The following ARHGAP8 variants were observed in gnomAD, a reference collection of about 807,000 sequenced individuals.
ARHGAP8 encodes Rho GTPase activating protein 8, also known as rho GTPase-activating protein 8.
A neutral mutation model predicts 46.1 loss-of-function variants in ARHGAP8; 62 were observed. The observed-to-expected ratio is 1.34, with a 90% CI of 1.10 to 1.66. The LOEUF is 1.66. Among genes scored for constraint, ARHGAP8 ranks in the 40% most tolerant of loss-of-function variants. ARHGAP8 has a pLI of 0.00. For synonymous variants in ARHGAP8, 375 were observed against 243.1 expected (o/e 1.54, Z -5.05); for missense variants, 923 against 568.4 (o/e 1.62, Z -6.34).
intron 1 of ARHGAP8, among the ~76,000 whole-genome samples, chr22:44,781,798 T>C (rs1050786717): frequency 6.6e-6 from 1 of 152,152 alleles, no homozygotes; most frequent in Non-Finnish European, 1.5e-5. Flanking sequence ...GTGCTGGGAT[T>C]GCAGGCGTGA....
chr22:44,851,176 T>C (rs1379597571), intron 10 of ARHGAP8, among the ~76,000 whole-genome samples: 1 of 152,052 alleles, frequency 6.6e-6, no homozygotes, highest in Non-Finnish European at 1.5e-5. Flanking sequence ...ATACCAGACA[T>C]TTGTCCACTT....
At chr22:44,824,381 C>T (rs976281318) in intron 6 of ARHGAP8, among the ~76,000 whole-genome samples, 3 of 152,190 alleles carry the variant, frequency 2.0e-5, no homozygotes, top group African/African-American at 4.8e-5. Flanking sequence ...TGGCCAGGCT[C>T]AGTCCAGTGC....
chr22:44,778,731 A>G (rs1926602652), intron 1 of ARHGAP8, among the ~76,000 whole-genome samples: 1 of 152,080 alleles, frequency 6.6e-6, no homozygotes, highest in African/African-American at 2.4e-5. Flanking sequence ...TTCCTTCTGT[A>G]ACTTCTTCAG....
intron 5 of ARHGAP8, among the ~76,000 whole-genome samples, chr22:44,817,006 C>T (rs1423014978): frequency 1.3e-5 from 2 of 151,958 alleles, no homozygotes; most frequent in African/African-American, 2.4e-5. Flanking sequence ...CTGCCTCAGC[C>T]TCCCAAGTAG....
intron 1 of ARHGAP8, among the ~76,000 whole-genome samples, chr22:44,774,205 A>G (rs1347451503): frequency 6.6e-6 from 1 of 152,148 alleles, no homozygotes; most frequent in Admixed American, 6.5e-5. Flanking sequence ...CTGGTTTTCA[A>G]CAGTCACGGG....
intron 1 of ARHGAP8, among the ~76,000 whole-genome samples, chr22:44,753,586 C>T (rs959014447): frequency 6.9e-6 from 1 of 144,806 alleles, no homozygotes; most frequent in Non-Finnish European, 1.5e-5. Context: ...CAGGGAGGCC[C>T]TGCCTTTCAC....
chr22:44,823,740 C>T (rs1436050158), intron 6 of ARHGAP8, among the ~76,000 whole-genome samples: 5 of 152,088 alleles, frequency 3.3e-5, no homozygotes, highest in Non-Finnish European at 7.3e-5. Flanking sequence ...CTCACATCCT[C>T]CTGTGTGGGA....
At chr22:44,830,988 C>T (rs1930906360) in intron 7 of ARHGAP8, among the ~76,000 whole-genome samples, 1 of 152,086 alleles carries the variant, frequency 6.6e-6, no homozygotes. Context: ...AATGTATATT[C>T]ACTAGATCGT....
At chr22:44,789,742 C>A (rs549261837) in intron 2 of ARHGAP8, among the ~76,000 whole-genome samples, 1 of 152,088 alleles carries the variant, frequency 6.6e-6, no homozygotes, top group Non-Finnish European at 1.5e-5. Context: ...CTGAAGCAAT[C>A]GGCCTGTCTT....
chr22:44,805,269 C>T (rs1377757435), intron 3 of ARHGAP8, among the ~76,000 whole-genome samples: 1 of 152,204 alleles, frequency 6.6e-6, no homozygotes, highest in Non-Finnish European at 1.5e-5. Context: ...CCTGCAAAGA[C>T]AGAAAGCGAA....
intron 1 of ARHGAP8, among the ~76,000 whole-genome samples, chr22:44,764,560 G>C (rs556384503): frequency 6.6e-6 from 1 of 152,214 alleles, no homozygotes; most frequent in East Asian, 1.9e-4. Context: ...TGCTGGAGCC[G>C]AGAGACCTGG....
At chr22:44,774,781 C>T in intron 1 of ARHGAP8, among the ~76,000 whole-genome samples, 1 of 151,886 alleles carries the variant, frequency 6.6e-6, no homozygotes. Flanking sequence ...CTCAGCCTCC[C>T]AAAGTGTTGG....
At chr22:44,844,555 TG>T (rs2069908551) in intron 7 of ARHGAP8, among the ~76,000 whole-genome samples, 1 of 152,140 alleles carries the variant, frequency 6.6e-6, no homozygotes, top group South Asian at 2.1e-4. Flanking sequence ...CTCCACCTCA[TG>T]GGTTCAAGTG....
At chr22:44,779,994 A>AC (rs1926726953) in intron 1 of ARHGAP8, among the ~76,000 whole-genome samples, 1 of 151,312 alleles carries the variant, frequency 6.6e-6, no homozygotes, top group Non-Finnish European at 1.5e-5. Context: ...AGAGGGAGGG[A>AC]CCCCCAGGCT....
rs147677675 is a variant in ARHGAP8, at chr22:44,862,445, G to T, written c.1152G>T (p.Pro384=). The change falls in exon 12 of 12, where the codon CCG becomes CCT. Residue 384 remains proline, a synonymous_variant. Coordinates refer to ENST00000356099, the MANE Select transcript of ARHGAP8 (RefSeq NM_181335.3). ...ACTATGAAAAGATCTTCAGCACCCC[G>T]GAGGCACCTGGGGAGCACGGCCTGG... ...IEYYEKIFST[P]EAPGEHGLAP... The T allele has an allele frequency of 1.4e-5, 23 of 1,613,850 alleles. No homozygotes were observed. The highest frequency in any genetic ancestry group is 4.5e-5 in the East Asian group (2 of 44,878).
intron 11 of ARHGAP8, among the ~76,000 whole-genome samples, chr22:44,861,951 C>T (rs920765655): frequency 6.6e-6 from 1 of 152,290 alleles, no homozygotes; most frequent in South Asian, 2.1e-4. Context: ...CAAGTTCGTA[C>T]CGTCTGTGCT....
chr22:44,792,446 C>T (rs974535545), intron 2 of ARHGAP8, among the ~76,000 whole-genome samples: 4 of 152,170 alleles, frequency 2.6e-5, no homozygotes, highest in Admixed American at 6.5e-5. Flanking sequence ...TTCGTTCTCT[C>T]GTACCCTAAG....
At position 44,773,539 on chromosome 22, in the gene ARHGAP8, G is replaced by A. The variant is rs577871713; in HGVS notation, c.-71-12918G>A. ...GACAGATGTTTTATGACACCAGGAT[G>A]GTATGGGATTTGTAAAACTATGTGA... On this transcript the variant is annotated intron_variant, in intron 1 of 11. Coordinates refer to ENST00000356099, the MANE Select transcript of ARHGAP8 (RefSeq NM_181335.3). Among the ~76,000 whole-genome samples, 9 of 152,236 alleles carry A rather than the reference G, an allele frequency of 5.9e-5. No homozygotes were observed. In the South Asian group the frequency reaches 1.9e-3, roughly 32 times the overall value.
At chr22:44,861,830 G>A (rs1311173728) in intron 11 of ARHGAP8, among the ~76,000 whole-genome samples, 1 of 152,148 alleles carries the variant, frequency 6.6e-6, no homozygotes, top group African/African-American at 2.4e-5. Flanking sequence ...GCCCCTTCTA[G>A]CAGGCAAGCT....
Sources: gnomAD v4.1 joint callset for allele counts (sites outside exome capture counted in the v4.1 genomes callset) on GRCh38, gnomAD v4.1.1 for gene constraint, MANE v1.5 for transcripts, NCBI Gene and HGNC (gene_info 2026-07-23, HGNC 2026-07-21) for gene names.